TSPAN2: variants seen among roughly 807,000 people sequenced by gnomAD.
TSPAN2 encodes tetraspanin-2.
A neutral mutation model predicts 33.3 loss-of-function variants in TSPAN2; 24 were observed. The ratio of observed to expected loss-of-function variants is 0.72; its 90% confidence interval spans 0.52 to 1.01. The LOEUF (loss-of-function observed/expected upper bound fraction) is 1.01. Ranked by LOEUF, TSPAN2 falls within the 50% of genes least tolerant of loss-of-function variation. TSPAN2 has a pLI of 0.00. For missense variants in TSPAN2, 278 were observed against 281.3 expected, an observed-to-expected ratio of 0.99 and a Z score of 0.08; for synonymous variants, 114 against 104.5, an observed-to-expected ratio of 1.09 and a Z score of -0.56.
intron 1 of TSPAN2, among the ~76,000 whole-genome samples, chr1:115,086,817 T>A (rs1195308909): frequency 6.6e-6 from 1 of 152,238 alleles, no homozygotes; most frequent in Non-Finnish European, 1.5e-5. Flanking sequence ...AATTTGAGCA[T>A]GGATCAGAAT....
rs1648744389 is a variant in TSPAN2, at chr1:115,084,204, A to T, written c.69+5160T>A. ...TTACTGATATGTTATTATTTACTGT[A>T]TGCATGAACCATACTTATAACCTTA... On this transcript the variant is annotated intron_variant, in intron 1 of 7. Transcript: ENST00000369516. Among the ~76,000 whole-genome samples, 3 of 152,244 alleles carry T rather than the reference A, an allele frequency of 2.0e-5. 1 individual carries two copies. Among genetic ancestry groups the T allele is most frequent in the Admixed American group, 2.0e-4 (3 of 15,284 alleles).
At chr1:115,081,267 C>T (rs573801378) in intron 1 of TSPAN2, among the ~76,000 whole-genome samples, 19 of 152,212 alleles carry the variant, frequency 1.2e-4, no homozygotes, top group Admixed American at 2.6e-4. Context: ...TAGACTCTGG[C>T]GGGAGCAGGG....
At chr1:115,075,876 CCTT>C (rs1648384979) in intron 1 of TSPAN2, among the ~76,000 whole-genome samples, 1 of 152,026 alleles carries the variant, frequency 6.6e-6, no homozygotes. Context: ...TTTAACCTTT[CCTT>C]CTTCTGCCCC....
intron 1 of TSPAN2, among the ~76,000 whole-genome samples, chr1:115,077,330 CT>C (rs1648454010): frequency 1.6e-5 from 1 of 63,394 alleles, no homozygotes; most frequent in African/African-American, 6.5e-5. Flanking sequence ...AAGAAAAATA[CT>C]TAAAAAAAAA....
At chr1:115,085,593 A>T (rs897565253) in intron 1 of TSPAN2, among the ~76,000 whole-genome samples, 6 of 152,186 alleles carry the variant, frequency 3.9e-5, no homozygotes, top group African/African-American at 9.6e-5. Flanking sequence ...TACTTCAGTC[A>T]CAGCTAAAGT....
intron 2 of TSPAN2, among the ~76,000 whole-genome samples, chr1:115,064,560 A>G (rs1488160340): frequency 2.0e-5 from 3 of 148,602 alleles, no homozygotes; most frequent in Non-Finnish European, 4.6e-5. Flanking sequence ...GTCTCTCATT[A>G]TAGATTTCAA....
At chr1:115,059,084 G>T in intron 4 of TSPAN2, 103 bp from the exon 5 acceptor site, 1 of 875,414 alleles carries the variant, frequency 1.1e-6, no homozygotes, top group South Asian at 1.4e-5. Flanking sequence ...GAAAAACACT[G>T]CCTTTCTCAT....
chr1:115,074,410 G>A (rs1314029509), intron 1 of TSPAN2, among the ~76,000 whole-genome samples: 2 of 152,158 alleles, frequency 1.3e-5, no homozygotes, highest in Non-Finnish European at 2.9e-5. Context: ...ACCTCAGTGA[G>A]GAGGAGTCAG....
rs74946160 is a variant in TSPAN2 at position 115,053,321 on chromosome 1, A to T, written c.600+58T>A. On this transcript the variant is annotated intron_variant, in intron 7 of 7. Transcript: ENST00000369516. ...ACTATCACACTTGAAAAGAAATAAG[A>T]TGCAAAGTTTCAAGGCTTTTTAGAG... The T allele has an allele frequency of 1.3e-3, 1,969 of 1,459,978 alleles. 51 individuals carry two copies. In the East Asian group the frequency reaches 0.044, roughly 32 times the overall value. 90.4% of individuals were successfully genotyped at this position (1,459,978 alleles called of 1,614,324 possible).
In TSPAN2 at chr1:115,050,485, T is replaced by G. The variant is rs748947622; in HGVS notation, c.*5A>C. The G allele has an allele frequency of 1.1e-5, 17 of 1,613,514 alleles. No individual in the cohort carries two copies. The South Asian group carries it at 1.5e-4, about 15-fold the overall frequency. On this transcript the variant is annotated 3_prime_UTR_variant, in exon 8 of 8. Transcript: ENST00000369516. The stretch of plus-strand genomic sequence containing the variant: ...TTAGATTGCAATTTTCATGTAGAAG[T>G]AGCTTCATATCACATCTCGTGAGTT...
chr1:115,050,781 G>A (rs1675293323), intron 7 of TSPAN2, among the ~76,000 whole-genome samples: 2 of 152,156 alleles, frequency 1.3e-5, no homozygotes, highest in Admixed American at 1.3e-4. Flanking sequence ...ACAAGGCTCT[G>A]CTTTAAAAGA....
rs200979737 is a variant in TSPAN2, at chr1:115,050,503, C to T, written c.653G>A (p.Arg218Gln). The change falls in exon 8 of 8, where the codon CGA becomes CAA. Residue 218 changes from arginine to glutamine, a missense_variant. Physicochemically the swap from Arg to Gln is conservative, Grantham distance 43 (BLOSUM62 1). Transcript: ENST00000369516. The stretch of plus-strand genomic sequence containing the variant: ...GTAGAAGTAGCTTCATATCACATCT[C>T]GTGAGTTTCGTATCGCACAGCAGAG... ...MVLCCAIRNS[R>Q]DVI is the part of the protein sequence containing the mutation. 5.0e-5 allele frequency: 80 copies of T among 1,613,818 alleles called. No individual in the cohort carries two copies. Among genetic ancestry groups the T allele is most frequent in the Non-Finnish European group, 6.2e-5 (73 of 1,179,916 alleles).
intron 2 of TSPAN2, among the ~76,000 whole-genome samples, chr1:115,069,718 C>T (rs180959295): frequency 1.3e-4 from 20 of 152,274 alleles, no homozygotes; most frequent in African/African-American, 3.6e-4. Flanking sequence ...ATTTGCAATA[C>T]GAAGAGTCCT....
At chr1:115,077,173 C>T (rs1648444567) in intron 1 of TSPAN2, among the ~76,000 whole-genome samples, 1 of 152,054 alleles carries the variant, frequency 6.6e-6, no homozygotes, top group Non-Finnish European at 1.5e-5. Flanking sequence ...CTCACCTCAG[C>T]CTCTCAAAGT....
At chr1:115,052,528 G>A (rs1429198735) in intron 7 of TSPAN2, among the ~76,000 whole-genome samples, 1 of 152,054 alleles carries the variant, frequency 6.6e-6, no homozygotes, top group Non-Finnish European at 1.5e-5. Flanking sequence ...TTTCCTTAAG[G>A]GTGAAGCCCA....
intron 2 of TSPAN2, among the ~76,000 whole-genome samples, chr1:115,069,093 C>G (rs1396282345): frequency 2.0e-5 from 3 of 152,190 alleles, no homozygotes; most frequent in African/African-American, 4.8e-5. Context: ...TCGTGAGTGC[C>G]TTTACCACCA....
intron 4 of TSPAN2, among the ~76,000 whole-genome samples, chr1:115,060,227 G>C (rs1159317669): frequency 1.3e-5 from 2 of 151,596 alleles, no homozygotes; most frequent in African/African-American, 4.9e-5. Flanking sequence ...TTTTATTATA[G>C]ACCACTTCAT....
intron 3 of TSPAN2, 60 bp from the exon 4 acceptor site, chr1:115,060,598 T>A: frequency 1.4e-6 from 2 of 1,384,480 alleles, no homozygotes; most frequent in East Asian, 4.8e-5. Context: ...TTATATATTT[T>A]GCACCTTAGT....
chr1:115,079,662 A>G (rs4475751), intron 1 of TSPAN2, among the ~76,000 whole-genome samples: 92,405 of 152,036 alleles, frequency 0.61, 28,999 homozygotes, highest in Non-Finnish European at 0.7. Context: ...GAAGGACCTC[A>G]CTACCTTGGC....
Sources: allele counts gnomAD v4.1 joint callset (sites outside exome capture counted in the v4.1 genomes callset), GRCh38; gene constraint gnomAD v4.1.1; transcripts MANE v1.5; gene names NCBI Gene and HGNC (gene_info 2026-07-23, HGNC 2026-07-21).